The following ZFHX3 variants were observed in gnomAD, a reference collection of about 807,000 sequenced individuals.
The protein encoded by ZFHX3 is zinc finger homeobox 3, also known as zinc finger homeobox protein 3.
Under a neutral mutation model 279.1 loss-of-function variants are expected in ZFHX3, and 42 were observed. The observed-to-expected ratio is 0.15, with a 90% confidence interval of 0.12 to 0.19. The LOEUF (loss-of-function observed/expected upper bound fraction) is 0.19. Among genes scored for constraint, ZFHX3 ranks in the 10% least tolerant of loss-of-function variants. The pLI is 1.00. For synonymous variants in ZFHX3, 2,293 were observed against 1,957.8 expected, an observed-to-expected ratio of 1.17 and a Z score of -4.52; for missense variants, 4,981 against 4,754.0, an observed-to-expected ratio of 1.05 and a Z score of -1.40.
chr16:73,480,697 T>C (rs1040537919), intron 2 of ZFHX3, among the ~76,000 whole-genome samples: 1 of 152,148 alleles, frequency 6.6e-6, no homozygotes, highest in Admixed American at 6.5e-5. Flanking sequence ...GGTGTCTTTC[T>C]CCAATCTTAC....
At chr16:73,586,513 C>G (rs2051928753) in intron 2 of ZFHX3, among the ~76,000 whole-genome samples, 1 of 149,274 alleles carries the variant, frequency 6.7e-6, no homozygotes, top group Non-Finnish European at 1.5e-5. Flanking sequence ...TACAGCTATA[C>G]TATTATTATT....
At chr16:72,974,880 G>GCT (rs1962278267) in intron 1 of ZFHX3, among the ~76,000 whole-genome samples, 1 of 152,184 alleles carries the variant, frequency 6.6e-6, no homozygotes, top group Non-Finnish European at 1.5e-5. Flanking sequence ...GTGGAGGCAT[G>GCT]CTATGCACAG....
At chr16:73,789,796 C>T (rs1156361301) in intron 1 of ZFHX3, among the ~76,000 whole-genome samples, 1 of 152,006 alleles carries the variant, frequency 6.6e-6, no homozygotes, top group East Asian at 1.9e-4. Context: ...ACTCAAGCCC[C>T]GGGCTACATA....
At chr16:73,756,061 T>G (rs1447243831) in intron 1 of ZFHX3, among the ~76,000 whole-genome samples, 2 of 151,608 alleles carry the variant, frequency 1.3e-5, no homozygotes, top group African/African-American at 2.4e-5. Context: ...GGTTCCTCCA[T>G]GGCTGACTTT....
intron 4 of ZFHX3, among the ~76,000 whole-genome samples, chr16:73,285,343 T>C (rs186456246): frequency 6.6e-5 from 10 of 152,262 alleles, no homozygotes; most frequent in African/African-American, 1.4e-4. Context: ...AGAAATCCCA[T>C]TGGGACCATT....
chr16:72,842,589 G>A (rs575214091), intron 4 of ZFHX3, among the ~76,000 whole-genome samples: 1 of 152,316 alleles, frequency 6.6e-6, no homozygotes, highest in Admixed American at 6.5e-5. Flanking sequence ...AAAGAATAAA[G>A]TAAGTGATTC....
intron 2 of ZFHX3, among the ~76,000 whole-genome samples, chr16:73,671,562 T>C (rs1212981584): frequency 6.6e-6 from 1 of 152,246 alleles, no homozygotes; most frequent in East Asian, 1.9e-4. Flanking sequence ...AACAAATTGG[T>C]TTTATTTCTA....
chr16:73,313,321 A>G (rs538927373), intron 4 of ZFHX3, among the ~76,000 whole-genome samples: 29 of 152,298 alleles, frequency 1.9e-4, no homozygotes, highest in Admixed American at 5.2e-4. Context: ...GTAGTTCTTT[A>G]TAGCAGTATG....
rs775596862 is a variant in ZFHX3 at position 72,787,605 on chromosome 16, T to C, written c.10671A>G (p.Thr3557=). ...TGGCGTTTCTTGCTGCTCTCGTGAT[T>C]GTTCTGTGTTTGTGCAAGGCCGACT... ...HLESALHKHR[T]ITRAARNAKE... Residue 3557 remains threonine, a synonymous_variant, in exon 10 of 10, where the codon ACA becomes ACG. Transcript: ENST00000268489. The C allele has an allele frequency of 1.2e-6, 2 of 1,613,826 alleles. No homozygotes were observed. The highest frequency in any genetic ancestry group is 1.7e-6 in the Non-Finnish European group (2 of 1,179,938).
intron 5 of ZFHX3, among the ~76,000 whole-genome samples, chr16:72,813,999 A>G (rs1231311003): frequency 6.6e-6 from 1 of 152,082 alleles, no homozygotes; most frequent in African/African-American, 2.4e-5. Context: ...ATTCTCCATC[A>G]TTTTGATTTT....
intron 5 of ZFHX3, among the ~76,000 whole-genome samples, chr16:73,184,997 T>A (rs1168212771): frequency 6.6e-6 from 1 of 151,784 alleles, no homozygotes; most frequent in Admixed American, 6.6e-5. Context: ...TTTTTTTTTT[T>A]CTGAGACAGC....
chr16:73,354,159 T>C (rs766377437), intron 3 of ZFHX3, among the ~76,000 whole-genome samples: 1 of 152,190 alleles, frequency 6.6e-6, no homozygotes, highest in African/African-American at 2.4e-5. Flanking sequence ...GCACTTACAC[T>C]AAAACTAAAA....
chr16:73,260,260 A>G (rs12325660), intron 4 of ZFHX3, among the ~76,000 whole-genome samples: 43,948 of 151,970 alleles, frequency 0.29, 7,307 homozygotes, highest in Non-Finnish European at 0.39. Context: ...TTGTCCCAAT[A>G]CTGGTGATGC....
intron 5 of ZFHX3, among the ~76,000 whole-genome samples, chr16:73,205,417 T>A (rs908928648): frequency 6.6e-6 from 1 of 152,168 alleles, no homozygotes; most frequent in Non-Finnish European, 1.5e-5. Context: ...GGTTCAGAAG[T>A]ATGATAGGCC....
chr16:73,384,174 G>T (rs1296906840), intron 3 of ZFHX3, among the ~76,000 whole-genome samples: 29 of 152,156 alleles, frequency 1.9e-4, no homozygotes, highest in Admixed American at 1.9e-3. Context: ...GACCAAATCT[G>T]GCCTGCACCC....
At chr16:73,697,698 T>G (rs534667245) in intron 1 of ZFHX3, among the ~76,000 whole-genome samples, 1 of 152,354 alleles carries the variant, frequency 6.6e-6, no homozygotes, top group East Asian at 1.9e-4. Flanking sequence ...TATTTCTGCT[T>G]TATTTGTCTA....
At chr16:73,269,101 T>C (rs76610556) in intron 4 of ZFHX3, among the ~76,000 whole-genome samples, 8,546 of 152,310 alleles carry the variant, frequency 0.056, 371 homozygotes, top group South Asian at 0.19. Flanking sequence ...TCTAAGAATA[T>C]ACCTTCTGTC....
At chr16:73,657,481 C>T (rs1042603661) in intron 2 of ZFHX3, among the ~76,000 whole-genome samples, 1 of 151,984 alleles carries the variant, frequency 6.6e-6, no homozygotes, top group Non-Finnish European at 1.5e-5. Flanking sequence ...GTAAAATGTA[C>T]AATTCATTGG....
chr16:73,771,253 C>A (rs1002228460), intron 1 of ZFHX3, among the ~76,000 whole-genome samples: 5 of 152,112 alleles, frequency 3.3e-5, no homozygotes, highest in Admixed American at 3.3e-4. Flanking sequence ...TTCAGTAGGG[C>A]CAGGATGAAT....
Sources: gnomAD v4.1 joint callset for allele counts (sites outside exome capture counted in the v4.1 genomes callset) on GRCh38, gnomAD v4.1.1 for gene constraint, MANE v1.5 for transcripts, NCBI Gene and HGNC (gene_info 2026-07-23, HGNC 2026-07-21) for gene names.